The following ACTR3C variants were observed in gnomAD, a reference collection of about 807,000 sequenced individuals.
The protein encoded by ACTR3C is actin-related protein 3C.
ACTR3C carries 18 observed loss-of-function variants against 26.3 expected under a neutral mutation model. That is an observed-to-expected ratio of 0.68 (90% CI 0.47 to 1.01). ACTR3C has a LOEUF of 1.01. ACTR3C is among the 50% of genes least tolerant of loss of function. The pLI is 0.00. For missense variants in ACTR3C, 184 were observed against 250.7 expected, an observed-to-expected ratio of 0.73 and a Z score of 1.80; for synonymous variants, 55 against 94.5, an observed-to-expected ratio of 0.58 and a Z score of 2.42.
At chr7:149,973,145 G>C in the ACTR3C span, among the ~76,000 whole-genome samples, 1 of 152,204 alleles carries the variant, frequency 6.6e-6, no homozygotes, top group East Asian at 1.9e-4. Flanking sequence ...TTTGTCCCAG[G>C]TAAGCCCTGT....
chr7:150,050,329 C>G, the ACTR3C span, among the ~76,000 whole-genome samples: 1 of 152,146 alleles, frequency 6.6e-6, no homozygotes, highest in South Asian at 2.1e-4. Flanking sequence ...ATGTATCATA[C>G]ATGATACTTC....
At chr7:149,945,841 G>A in the ACTR3C span, among the ~76,000 whole-genome samples, 2 of 152,182 alleles carry the variant, frequency 1.3e-5, no homozygotes, top group Admixed American at 6.5e-5. Context: ...TAGTCAGTCC[G>A]CTGTAGGAAT....
At chr7:149,948,853 C>T in the ACTR3C span, among the ~76,000 whole-genome samples, 1 of 151,878 alleles carries the variant, frequency 6.6e-6, no homozygotes, top group East Asian at 1.9e-4. Context: ...GTGCTGGTCT[C>T]GGACGTGATC....
At chr7:149,930,697 A>G in the ACTR3C span, among the ~76,000 whole-genome samples, 84 of 152,344 alleles carry the variant, frequency 5.5e-4, no homozygotes, top group Middle Eastern at 0.014. Flanking sequence ...TTTCTTGAAG[A>G]TTGTTTTCAT....
chr7:150,290,025 A>G (rs985684598), intron 3 of ACTR3C, among the ~76,000 whole-genome samples: 10 of 152,176 alleles, frequency 6.6e-5, no homozygotes, highest in African/African-American at 2.4e-4. Flanking sequence ...TTTGGTTAAT[A>G]CACAGGGCTT....
At chr7:150,113,831 A>C in the ACTR3C span, among the ~76,000 whole-genome samples, 116 of 152,336 alleles carry the variant, frequency 7.6e-4, no homozygotes, top group African/African-American at 2.7e-3. Flanking sequence ...GGATAATGTG[A>C]CCGTACTATA....
rs567726196 is a variant in ACTR3C at position 150,292,897 on chromosome 7, C to T, written c.153+415G>A. ...ACAGATGTGCTCCTTCAAATGGCCACGCACTGCACCTACAAATTCAACATC... is the reference window on the plus strand; with the variant it reads ...ACAGATGTGCTCCTTCAAATGGCCATGCACTGCACCTACAAATTCAACATC... On this transcript the variant is annotated intron_variant, in intron 3 of 7. Transcript: ENST00000683684. Among the ~76,000 whole-genome samples, 516 of 152,314 alleles carry T rather than the reference C, an allele frequency of 3.4e-3. 2 individuals are homozygous for T. The highest frequency in any genetic ancestry group is 0.012 in the African/African-American group (491 of 41,532).
chr7:150,122,960 C>T, the ACTR3C span, among the ~76,000 whole-genome samples: 12 of 150,052 alleles, frequency 8.0e-5, no homozygotes, highest in Non-Finnish European at 1.5e-4. Flanking sequence ...AGCTGGAAAC[C>T]ATCATTCTCA....
intron 1 of ACTR3C, among the ~76,000 whole-genome samples, chr7:150,310,809 ACTT>A (rs1156984254): frequency 6.6e-6 from 1 of 152,014 alleles, no homozygotes; most frequent in Admixed American, 6.5e-5. Context: ...ATGTTGATGA[ACTT>A]CTTCTTTGCA....
the ACTR3C span, among the ~76,000 whole-genome samples, chr7:149,945,403 T>C: frequency 6.6e-6 from 1 of 151,890 alleles, no homozygotes; most frequent in Non-Finnish European, 1.5e-5. Flanking sequence ...ACTGGAAGCA[T>C]TGATGGCGGG....
chr7:150,286,260 C>T (rs1835761444), intron 5 of ACTR3C, 107 bp downstream of exon 5: 8 of 1,366,478 alleles, frequency 5.9e-6, no homozygotes, highest in South Asian at 4.4e-5. Flanking sequence ...GACCGAATGA[C>T]GGCCACCCTG....
the ACTR3C span, among the ~76,000 whole-genome samples, chr7:150,048,827 A>C: frequency 6.6e-6 from 1 of 152,028 alleles, no homozygotes; most frequent in Non-Finnish European, 1.5e-5. Flanking sequence ...TCCACAGCCC[A>C]GCTCCCTCCG....
the ACTR3C span, among the ~76,000 whole-genome samples, chr7:150,112,309 G>A: frequency 6.6e-6 from 1 of 152,220 alleles, no homozygotes; most frequent in Non-Finnish European, 1.5e-5. Flanking sequence ...ACAAACAAAT[G>A]TGCAAGCCTC....
the ACTR3C span, among the ~76,000 whole-genome samples, chr7:149,898,457 A>G: frequency 2.0e-5 from 3 of 152,178 alleles, no homozygotes; most frequent in Admixed American, 1.3e-4. Flanking sequence ...TGTAATCCCA[A>G]CACTGTGGGA....
At chr7:149,925,527 A>T in the ACTR3C span, among the ~76,000 whole-genome samples, 10 of 152,194 alleles carry the variant, frequency 6.6e-5, no homozygotes, top group South Asian at 2.1e-4. Context: ...ATAGACTAAC[A>T]CAACACAATA....
chr7:150,253,554 GT>G (rs1342276240), intron 6 of ACTR3C, among the ~76,000 whole-genome samples: 2 of 152,012 alleles, frequency 1.3e-5, no homozygotes, highest in South Asian at 2.1e-4. Flanking sequence ...TGCGTCTTTG[GT>G]TTTTTGTGGA....
chr7:149,999,425 G>A, the ACTR3C span, among the ~76,000 whole-genome samples: 9 of 150,602 alleles, frequency 6.0e-5, 1 homozygote, highest in Admixed American at 3.3e-4. Flanking sequence ...GAGTGGAGGT[G>A]TGCCCTGCAC....
the ACTR3C span, among the ~76,000 whole-genome samples, chr7:149,920,079 T>C: frequency 3.5e-3 from 519 of 149,176 alleles, no homozygotes; most frequent in African/African-American, 0.012. Context: ...AGAAAGATTA[T>C]TCAATTATTG....
chr7:150,150,152 A>G, the ACTR3C span, among the ~76,000 whole-genome samples: 1 of 152,116 alleles, frequency 6.6e-6, no homozygotes, highest in Non-Finnish European at 1.5e-5. Flanking sequence ...GGCTGGCGTC[A>G]TCCAAATGAA....
Sources: allele counts gnomAD v4.1 joint callset (sites outside exome capture counted in the v4.1 genomes callset), GRCh38; gene constraint gnomAD v4.1.1; transcripts MANE v1.5; gene names NCBI Gene and HGNC (gene_info 2026-07-23, HGNC 2026-07-21).